BCL11B: variants seen among roughly 807,000 people sequenced by gnomAD.
BCL11B encodes BCL11 transcription factor B.
A neutral mutation model predicts 49.9 loss-of-function variants in BCL11B; 8 were observed. The observed-to-expected ratio is 0.16, with a 90% confidence interval of 0.09 to 0.29. BCL11B has a LOEUF of 0.29. BCL11B is among the 10% of genes least tolerant of loss of function. BCL11B has a pLI of 1.00. For missense variants in BCL11B, 1,006 were observed against 1,351.0 expected (o/e 0.74, Z 4.00); for synonymous variants, 739 against 637.4 (o/e 1.16, Z -2.40).
Position 99,175,996 on chromosome 14 carries a change from C to A in BCL11B, c.840G>T (p.Met280Ile). The A allele has an allele frequency of 1.2e-5, 18 of 1,522,160 alleles. No individual in the cohort carries two copies. The highest frequency in any genetic ancestry group is 1.6e-5 in the Non-Finnish European group (18 of 1,135,454). 94.3% of individuals were successfully genotyped at this position (1,522,160 alleles called of 1,614,324 possible). A position where few individuals can be genotyped will look rare whatever the true frequency, so the allele number is the denominator to read the frequency against. ...GPEAVAQSPL[M>I]NFLGDSNPFN... The stretch of plus-strand genomic sequence containing the variant: ...AGGGGTTGCTGTCGCCCAGGAAATT[C>A]ATGAGCGGGGACTGCGCCACGGCCT... Residue 280 changes from methionine (M) to isoleucine (I), a missense_variant, in exon 4 of 4, where the codon ATG (methionine) becomes ATT (isoleucine). Physicochemically the swap from Met to Ile is conservative, Grantham distance 10 (BLOSUM62 1). Transcript: ENST00000357195.
In BCL11B at chr14:99,173,904, A is replaced by G; in HGVS notation, c.*247T>C. ...AAAAGTACCTGCACATGCCAAAAAA[A>G]TTACAAAACCCAATAAATACAGAAA... On this transcript the variant is annotated 3_prime_UTR_variant, in exon 4 of 4. Transcript: ENST00000357195. 1 of 536,500 alleles carries G rather than the reference A, an allele frequency of 1.9e-6. No individual in the cohort carries two copies. The highest frequency in any genetic ancestry group is 2.5e-5 in the South Asian group (1 of 39,964). The allele number at this position is 536,500 out of a possible 1,614,324, so 33.2% of individuals were successfully genotyped here.
chr14:99,233,782 A>G (rs1003222377), intron 2 of BCL11B, among the ~76,000 whole-genome samples: 1 of 152,194 alleles, frequency 6.6e-6, no homozygotes, highest in Non-Finnish European at 1.5e-5. Context: ...CATAGGGGTC[A>G]GGGGGTAGGC....
chr14:99,259,106 G>A (rs1158885283), intron 1 of BCL11B, among the ~76,000 whole-genome samples: 1 of 152,202 alleles, frequency 6.6e-6, no homozygotes, highest in Non-Finnish European at 1.5e-5. Flanking sequence ...GCAAATGTCA[G>A]TAGTCGTAGA....
rs1566821525 is a variant in BCL11B, at chr14:99,231,321, C to T, written c.640+24G>A. 2 of 1,605,014 alleles carry T rather than the reference C, an allele frequency of 1.2e-6. No individual in the cohort carries two copies. Among genetic ancestry groups the T allele is most frequent in the East Asian group, 2.2e-5 (1 of 44,536 alleles). ...CACCCCGCCATCCCGGGGGCCCGCCCCCCACCGCGGCGTCGTCTGTTACCT... is the reference window on the plus strand; with the variant it reads ...CACCCCGCCATCCCGGGGGCCCGCCTCCCACCGCGGCGTCGTCTGTTACCT... On this transcript the variant is annotated intron_variant, in intron 3 of 3. Coordinates refer to ENST00000357195, the MANE Select transcript of BCL11B (RefSeq NM_138576.4). This position sits in a 1 kb window ranked among gnomAD's most constrained non-coding sequence, Gnocchi z 8.1.
intron 3 of BCL11B, among the ~76,000 whole-genome samples, chr14:99,203,906 C>T (rs1330733776): frequency 7.0e-6 from 1 of 143,312 alleles, no homozygotes; most frequent in African/African-American, 2.8e-5. Flanking sequence ...GCCCCAAGCG[C>T]CCCTGAACCC....
chr14:99,220,222 ACGCAGAAACTCCACTTC>A (rs1343944095), intron 3 of BCL11B, among the ~76,000 whole-genome samples: 8 of 152,210 alleles, frequency 5.3e-5, no homozygotes, highest in Non-Finnish European at 1.2e-4. Flanking sequence ...TTACCCTTTG[ACGCAGAAACTCCACTTC>A]CGCAGAAACT....
At chr14:99,238,091 C>T (rs926938569) in intron 2 of BCL11B, among the ~76,000 whole-genome samples, 5 of 151,250 alleles carry the variant, frequency 3.3e-5, no homozygotes, top group Non-Finnish European at 7.4e-5. Flanking sequence ...TCCACCTGCA[C>T]CCACCGTGAG....
chr14:99,172,523 G>A lies in BCL11B; in HGVS notation c.*1628C>T, dbSNP rs1159999981. ...AAAAAGTTTTGCATTTGTCTCAAGA[G>A]ACTCAAATAGGAAGATCAGTTTTCA... On this transcript the variant is annotated 3_prime_UTR_variant, in exon 4 of 4. Coordinates refer to ENST00000357195, the MANE Select transcript of BCL11B (RefSeq NM_138576.4). 4.8e-6 allele frequency: 1 copy of A among 206,786 alleles called. No homozygotes were observed. Among genetic ancestry groups the A allele is most frequent in the African/African-American group, 2.3e-5 (1 of 43,784 alleles). 12.8% of individuals were successfully genotyped at this position (206,786 alleles called of 1,614,324 possible).
rs1886233592 is a variant in BCL11B at position 99,169,931 on chromosome 14, G to A, written c.*4220C>T. On this transcript the variant is annotated 3_prime_UTR_variant, in exon 4 of 4. Transcript: ENST00000357195. Reference sequence around the variant, plus strand: ...ACAAAGTTGTGGCAGTGCGGAAACCGGCCTGAGGTCGGCTGGGTCACCCAT... The same window carrying A: ...ACAAAGTTGTGGCAGTGCGGAAACCAGCCTGAGGTCGGCTGGGTCACCCAT... 1.3e-5 allele frequency: 3 copies of A among 230,106 alleles called. No homozygotes were observed. The highest frequency in any genetic ancestry group is 1.2e-4 in the East Asian group (2 of 16,192). The allele number at this position is 230,106 out of a possible 1,614,324, so 14.3% of individuals were successfully genotyped here. A position where few individuals can be genotyped will look rare whatever the true frequency, so the allele number is the denominator to read the frequency against.
intron 3 of BCL11B, among the ~76,000 whole-genome samples, chr14:99,188,971 C>G (rs1042304039): frequency 6.6e-6 from 1 of 152,244 alleles, no homozygotes; most frequent in Admixed American, 6.5e-5. Flanking sequence ...CGAATCAATA[C>G]GACGTGCCAC....
Position 99,173,886 on chromosome 14 carries a change from C to T in BCL11B, c.*265G>A. 2.0e-6 allele frequency: 1 copy of T among 501,930 alleles called. No homozygotes were observed. The highest frequency in any genetic ancestry group is 2.6e-5 in the South Asian group (1 of 37,850). The allele number at this position is 501,930 out of a possible 1,614,324, so 31.1% of individuals were successfully genotyped here. On this transcript the variant is annotated 3_prime_UTR_variant, in exon 4 of 4. Transcript: ENST00000357195. Reference sequence around the variant, plus strand: ...ACAGAAAAAATAATAATAAAAAGTACCTGCACATGCCAAAAAAATTACAAA... The same window carrying T: ...ACAGAAAAAATAATAATAAAAAGTATCTGCACATGCCAAAAAAATTACAAA...
chr14:99,186,964 G>A (rs940498380), intron 3 of BCL11B, among the ~76,000 whole-genome samples: 3 of 152,126 alleles, frequency 2.0e-5, no homozygotes, highest in African/African-American at 2.4e-5. Flanking sequence ...GGAGTTAAAC[G>A]ATTCCAGCAA....
At chr14:99,258,934 A>G (rs1247503181) in intron 1 of BCL11B, among the ~76,000 whole-genome samples, 1 of 152,138 alleles carries the variant, frequency 6.6e-6, no homozygotes, top group African/African-American at 2.4e-5. Context: ...CTAGGACCCA[A>G]ATATTTGGAA....
intron 3 of BCL11B, among the ~76,000 whole-genome samples, chr14:99,223,980 A>G (rs1888088851): frequency 6.6e-6 from 1 of 152,194 alleles, no homozygotes; most frequent in Admixed American, 6.5e-5. Flanking sequence ...ACTGAGTGAG[A>G]AGGCCCTCCA....
At chr14:99,237,158 C>A in intron 2 of BCL11B, among the ~76,000 whole-genome samples, 1 of 151,662 alleles carries the variant, frequency 6.6e-6, no homozygotes, top group Admixed American at 6.6e-5. Context: ...TTCAGAGCTA[C>A]ACAGGTCTTT....
intron 3 of BCL11B, among the ~76,000 whole-genome samples, chr14:99,211,810 T>C (rs1328213086): frequency 6.6e-6 from 1 of 152,180 alleles, no homozygotes; most frequent in Admixed American, 6.5e-5. Context: ...GTTCTAAACT[T>C]GTGTTTATTT....
At chr14:99,236,593 A>C (rs1888506012) in intron 2 of BCL11B, among the ~76,000 whole-genome samples, 1 of 152,088 alleles carries the variant, frequency 6.6e-6, no homozygotes, top group Non-Finnish European at 1.5e-5. Context: ...GGGAACCCTG[A>C]TGTCTAGAGG....
chr14:99,260,434 G>A (rs184852964), intron 1 of BCL11B, among the ~76,000 whole-genome samples: 17 of 151,968 alleles, frequency 1.1e-4, no homozygotes, highest in Middle Eastern at 3.4e-3. Flanking sequence ...AGCCTCGTCC[G>A]CCCTCCTGAG....
In BCL11B at chr14:99,235,831, A is replaced by AT. The variant is rs144861972; in HGVS notation, c.428-4275dup. On this transcript the variant is annotated intron_variant, in intron 2 of 3. Coordinates refer to ENST00000357195, the MANE Select transcript of BCL11B (RefSeq NM_138576.4). ...AGAGAAATTTATTCTTGCATTGTTG[A>AT]TTTTTTTTTCTTTTTTTTGGTTGTT... 6.2e-3 allele frequency among the ~76,000 whole-genome samples: 930 copies of AT among 150,706 alleles called. 55 individuals are homozygous for AT. In the East Asian group the frequency reaches 0.15, roughly 24 times the overall value.
Sources: gnomAD v4.1 joint callset for allele counts (sites outside exome capture counted in the v4.1 genomes callset) on GRCh38, gnomAD v4.1.1 for gene constraint, Gnocchi (gnomAD v3.1) non-coding constraint, MANE v1.5 for transcripts, NCBI Gene and HGNC (gene_info 2026-07-23, HGNC 2026-07-21) for gene names.